The following SLC44A1 variants were observed in gnomAD, a reference collection of about 807,000 sequenced individuals.
The protein encoded by SLC44A1 is solute carrier family 44 member 1, also known as choline transporter-like protein 1.
Under a neutral mutation model 79.3 loss-of-function variants are expected in SLC44A1, and 26 were observed. The observed-to-expected ratio is 0.33, with a 90% CI of 0.24 to 0.46. SLC44A1 has a LOEUF of 0.46. Ranked by LOEUF, SLC44A1 falls within the 20% of genes least tolerant of loss-of-function variation. The probability of loss-of-function intolerance (pLI) is 1.00; values close to 1 mark genes in which losing one functional copy is unlikely to be tolerated. For missense variants in SLC44A1, 688 were observed against 798.1 expected, an observed-to-expected ratio of 0.86 and a Z score of 1.66; for synonymous variants, 263 against 286.2, an observed-to-expected ratio of 0.92 and a Z score of 0.82.
chr9:105,323,408 G>C (rs1187641009), intron 3 of SLC44A1, among the ~76,000 whole-genome samples: 1 of 152,008 alleles, frequency 6.6e-6, no homozygotes, highest in Non-Finnish European at 1.5e-5. Flanking sequence ...GATAATCAAA[G>C]GACAGGTTAC....
intron 15 of SLC44A1, among the ~76,000 whole-genome samples, chr9:105,433,096 G>A (rs1829418602): frequency 6.6e-6 from 1 of 152,084 alleles, no homozygotes; most frequent in South Asian, 2.1e-4. Context: ...AGGAGTTCAA[G>A]ACCAGCCTGG....
At chr9:105,248,826 C>T (rs1461380611) in intron 1 of SLC44A1, among the ~76,000 whole-genome samples, 1 of 152,114 alleles carries the variant, frequency 6.6e-6, no homozygotes, top group Non-Finnish European at 1.5e-5. Context: ...TGTAAATCTT[C>T]AGATTTATTA....
intron 3 of SLC44A1, among the ~76,000 whole-genome samples, chr9:105,331,273 A>G (rs1199003678): frequency 1.3e-5 from 2 of 152,254 alleles, no homozygotes; most frequent in African/African-American, 4.8e-5. Context: ...GCCAAGGCAC[A>G]TAATCAGAGT....
intron 15 of SLC44A1, chr9:105,385,728 C>T (rs1413200239): frequency 1.1e-5 from 11 of 985,314 alleles, no homozygotes; most frequent in Non-Finnish European, 8.4e-6. Context: ...ACAGCATCCT[C>T]GTCAGTGCTC....
Position 105,374,357 on chromosome 9 carries a change from T to G in SLC44A1, c.1495-241T>G, listed in dbSNP as rs1828209229. Among the ~76,000 whole-genome samples, 5 of 152,340 alleles carry G rather than the reference T, an allele frequency of 3.3e-5. No homozygotes were observed. In the South Asian group the frequency reaches 1.0e-3, roughly 32 times the overall value. ...GGGGTGTTAGAAAGGTTTGTGTATG[T>G]TTTAATAAATAACAATGTTTTTAAA... On this transcript the variant is annotated intron_variant, in intron 12 of 15. Coordinates refer to ENST00000374720, the MANE Select transcript of SLC44A1 (RefSeq NM_080546.5).
chr9:105,438,400 A>G, exon 16 of SLC44A1: 1 of 895,472 alleles, frequency 1.1e-6, no homozygotes, highest in Non-Finnish European at 1.8e-6. Context: ...GCAGGATCTT[A>G]TTACTTCAAT....
At chr9:105,362,490 G>A (rs1298026421) in intron 8 of SLC44A1, among the ~76,000 whole-genome samples, 1 of 152,108 alleles carries the variant, frequency 6.6e-6, no homozygotes, top group Non-Finnish European at 1.5e-5. Flanking sequence ...CGTTTTTGTG[G>A]TGTATCTGTT....
chr9:105,415,315 C>T (rs1829153151), intron 15 of SLC44A1, among the ~76,000 whole-genome samples: 1 of 152,238 alleles, frequency 6.6e-6, no homozygotes, highest in South Asian at 2.1e-4. Context: ...GCGTTTAAAA[C>T]AGAAATTACT....
chr9:105,429,933 G>T (rs981459616), intron 15 of SLC44A1, among the ~76,000 whole-genome samples: 1 of 151,820 alleles, frequency 6.6e-6, no homozygotes, highest in Non-Finnish European at 1.5e-5. Flanking sequence ...GTCTCATTTT[G>T]TTGCTCAGGC....
At chr9:105,293,096 G>A (rs1316617479) in intron 1 of SLC44A1, among the ~76,000 whole-genome samples, 1 of 152,190 alleles carries the variant, frequency 6.6e-6, no homozygotes, top group Non-Finnish European at 1.5e-5. Flanking sequence ...GATCAAGGCT[G>A]CAGTGAACCA....
At chr9:105,377,881 A>G (rs1296094290) in intron 13 of SLC44A1, among the ~76,000 whole-genome samples, 2 of 152,176 alleles carry the variant, frequency 1.3e-5, no homozygotes, top group Admixed American at 1.3e-4. Context: ...ATGTCTTTAT[A>G]GAGTGTCTAC....
chr9:105,365,771 C>G, intron 11 of SLC44A1, 132 bp downstream of exon 11: 1 of 885,554 alleles, frequency 1.1e-6, no homozygotes, highest in Non-Finnish European at 1.7e-6. Context: ...CAAAATCCAG[C>G]CCTTCTCCCT....
At chr9:105,358,808 TTGC>T (rs1009098042) in intron 7 of SLC44A1, among the ~76,000 whole-genome samples, 1 of 152,158 alleles carries the variant, frequency 6.6e-6, no homozygotes, top group Admixed American at 6.5e-5. Context: ...TTTTCTCTCT[TTGC>T]TACACGAACT....
At chr9:105,359,643 C>T (rs1002731526) in intron 7 of SLC44A1, among the ~76,000 whole-genome samples, 2 of 152,134 alleles carry the variant, frequency 1.3e-5, no homozygotes, top group African/African-American at 4.8e-5. Flanking sequence ...ATTTCAATTT[C>T]ATTCTATTTT....
chr9:105,425,737 C>A (rs533217878), intron 15 of SLC44A1, among the ~76,000 whole-genome samples: 1 of 152,152 alleles, frequency 6.6e-6, no homozygotes, highest in African/African-American at 2.4e-5. Flanking sequence ...GCAAGAGAAT[C>A]GCTTGAACCT....
At chr9:105,332,553 C>T (rs1382729289) in intron 3 of SLC44A1, among the ~76,000 whole-genome samples, 1 of 152,180 alleles carries the variant, frequency 6.6e-6, no homozygotes, top group Non-Finnish European at 1.5e-5. Flanking sequence ...AAACCATATA[C>T]ACAGGCTGAA....
chr9:105,433,614 C>G (rs1348167937), intron 15 of SLC44A1, among the ~76,000 whole-genome samples: 1 of 151,794 alleles, frequency 6.6e-6, no homozygotes, highest in Non-Finnish European at 1.5e-5. Context: ...CCCCTGCCAC[C>G]CCACTCCCCC....
intron 15 of SLC44A1, among the ~76,000 whole-genome samples, chr9:105,419,497 T>C (rs16924597): frequency 0.12 from 18,594 of 152,198 alleles, 2,984 homozygotes; most frequent in African/African-American, 0.37. Context: ...AACATCTATA[T>C]TCCGAGAAGC....
chr9:105,361,048 T>C (rs1827762828), intron 7 of SLC44A1, 143 bp from the exon 8 acceptor site: 2 of 755,184 alleles, frequency 2.6e-6, no homozygotes, highest in Non-Finnish European at 4.5e-6. Flanking sequence ...CAAAAAGTTA[T>C]AGCTATGTAC....
Sources: gnomAD v4.1 joint callset for allele counts (sites outside exome capture counted in the v4.1 genomes callset) on GRCh38, gnomAD v4.1.1 for gene constraint, MANE v1.5 for transcripts, NCBI Gene and HGNC (gene_info 2026-07-23, HGNC 2026-07-21) for gene names.